The following UBE3D variants were observed in gnomAD, a reference collection of about 807,000 sequenced individuals.
UBE3D encodes E3 ubiquitin-protein ligase E3D.
UBE3D carries 48 observed loss-of-function variants against 49.6 expected under a neutral mutation model. That is an observed-to-expected ratio of 0.97 (90% CI 0.77 to 1.23). UBE3D has a LOEUF of 1.23. Among genes scored for constraint, UBE3D ranks in the 50% most tolerant of loss-of-function variants. The probability of loss-of-function intolerance (pLI) is 0.00; values close to 1 mark genes in which losing one functional copy is unlikely to be tolerated. For synonymous variants in UBE3D, 189 were observed against 174.2 expected, an observed-to-expected ratio of 1.08 and a Z score of -0.67; for missense variants, 452 against 468.4, an observed-to-expected ratio of 0.96 and a Z score of 0.32.
At chr6:83,060,804 C>T (rs1177614164) in intron 1 of UBE3D, among the ~76,000 whole-genome samples, 1 of 152,132 alleles carries the variant, frequency 6.6e-6, no homozygotes, top group Non-Finnish European at 1.5e-5. Flanking sequence ...TCCTTGGCCA[C>T]ATCTGGTATA....
chr6:83,013,776 T>A (rs1177734776), intron 8 of UBE3D, among the ~76,000 whole-genome samples: 1 of 151,812 alleles, frequency 6.6e-6, no homozygotes, highest in Non-Finnish European at 1.5e-5. Context: ...TTATTTCCCA[T>A]CCTCTGGCAG....
intron 1 of UBE3D, among the ~76,000 whole-genome samples, chr6:83,058,784 G>T (rs1783980107): frequency 2.0e-5 from 3 of 148,598 alleles, no homozygotes; most frequent in Admixed American, 1.3e-4. Context: ...TTAGAAATCT[G>T]CCTTAGAAAA....
At chr6:82,911,434 T>C (rs1772518590) in intron 9 of UBE3D, among the ~76,000 whole-genome samples, 1 of 152,090 alleles carries the variant, frequency 6.6e-6, no homozygotes, top group Non-Finnish European at 1.5e-5. Context: ...GGCCCAAACA[T>C]TTGAGACAAT....
At chr6:82,984,813 G>A (rs889048645) in intron 8 of UBE3D, among the ~76,000 whole-genome samples, 2 of 151,680 alleles carry the variant, frequency 1.3e-5, no homozygotes, top group African/African-American at 2.4e-5. Context: ...TTTCATTGTT[G>A]TTATGTTTAT....
intron 5 of UBE3D, among the ~76,000 whole-genome samples, chr6:83,029,145 A>G (rs1056675497): frequency 6.6e-6 from 1 of 152,148 alleles, no homozygotes; most frequent in Non-Finnish European, 1.5e-5. Context: ...GAAAGCCAAT[A>G]TTTTTAAAAT....
Position 82,916,200 on chromosome 6 carries a change from C to A in UBE3D, c.1150-23158G>T, listed in dbSNP as rs73477703. Among the ~76,000 whole-genome samples the A allele has an allele frequency of 8.2e-3, 1,249 of 152,276 alleles. 21 individuals carry two copies. Among genetic ancestry groups the A allele is most frequent in the African/African-American group, 0.028 (1,181 of 41,536 alleles). On this transcript the variant is annotated intron_variant, in intron 9 of 9. Transcript: ENST00000369747. ...CCAGTGTGTACAAGGGTTGCAATTT[C>A]ACACCACACCTGTCCAATTTCTAGG...
chr6:83,042,710 C>T (rs1487787455), intron 4 of UBE3D, among the ~76,000 whole-genome samples: 1 of 152,122 alleles, frequency 6.6e-6, no homozygotes, highest in Non-Finnish European at 1.5e-5. Context: ...TTTCTAAGGA[C>T]CCTTGATATT....
At chr6:83,025,508 G>GATATGCTTATGGATATGCAT (rs1781392010) in intron 5 of UBE3D, among the ~76,000 whole-genome samples, 1 of 151,804 alleles carries the variant, frequency 6.6e-6, no homozygotes, top group South Asian at 2.1e-4. Flanking sequence ...TATTTATATA[G>GATATGCTTATGGATATGCAT]ATGGATATGC....
chr6:82,984,371 C>T (rs1308289723), intron 8 of UBE3D, among the ~76,000 whole-genome samples: 1 of 152,124 alleles, frequency 6.6e-6, no homozygotes. Flanking sequence ...AATTAATAGT[C>T]GTATGCATGT....
chr6:82,917,998 T>A (rs1481235681), intron 9 of UBE3D, among the ~76,000 whole-genome samples: 1 of 152,200 alleles, frequency 6.6e-6, no homozygotes, highest in African/African-American at 2.4e-5. Context: ...TTTCCTTCAA[T>A]AAACTCCTTG....
At chr6:82,981,113 T>G (rs1191178771) in intron 8 of UBE3D, among the ~76,000 whole-genome samples, 2 of 152,188 alleles carry the variant, frequency 1.3e-5, no homozygotes, top group South Asian at 4.1e-4. Context: ...AATTGTAAAA[T>G]AGGGTTTCAT....
intron 8 of UBE3D, among the ~76,000 whole-genome samples, chr6:82,998,597 T>C (rs960366534): frequency 1.3e-5 from 2 of 152,226 alleles, no homozygotes; most frequent in African/African-American, 2.4e-5. Context: ...GAGTTTTTCT[T>C]AATATATTTT....
chr6:82,917,382 A>G (rs1395805244), intron 9 of UBE3D, among the ~76,000 whole-genome samples: 1 of 152,166 alleles, frequency 6.6e-6, no homozygotes, highest in Non-Finnish European at 1.5e-5. Flanking sequence ...ATATGAGCAG[A>G]GAGGAGGCAA....
At chr6:83,004,429 T>C (rs1779835056) in intron 8 of UBE3D, among the ~76,000 whole-genome samples, 1 of 152,202 alleles carries the variant, frequency 6.6e-6, no homozygotes, top group Admixed American at 6.5e-5. Flanking sequence ...ATTTCTCTTT[T>C]TTGTACTCAG....
chr6:82,971,787 A>G (rs973047040), intron 8 of UBE3D, among the ~76,000 whole-genome samples: 1 of 152,120 alleles, frequency 6.6e-6, no homozygotes, highest in African/African-American at 2.4e-5. Context: ...AAGAATTTTT[A>G]AAAAACATGT....
intron 8 of UBE3D, among the ~76,000 whole-genome samples, chr6:82,978,853 T>C (rs1354494457): frequency 6.6e-6 from 1 of 152,192 alleles, no homozygotes; most frequent in Non-Finnish European, 1.5e-5. Flanking sequence ...TGCAAAAACA[T>C]ATTTTGTACT....
At chr6:82,969,441 T>TC (rs1777187471) in intron 8 of UBE3D, among the ~76,000 whole-genome samples, 1 of 151,942 alleles carries the variant, frequency 6.6e-6, no homozygotes, top group South Asian at 2.1e-4. Context: ...ATCCCGTCTT[T>TC]ACTAAAAATA....
chr6:82,983,830 C>T (rs999487870), intron 8 of UBE3D, among the ~76,000 whole-genome samples: 1 of 152,114 alleles, frequency 6.6e-6, no homozygotes, highest in Admixed American at 6.6e-5. Flanking sequence ...AGGATATATA[C>T]TAAGAGAGAT....
intron 9 of UBE3D, among the ~76,000 whole-genome samples, chr6:82,902,310 G>T (rs539150422): frequency 6.6e-6 from 1 of 152,294 alleles, no homozygotes; most frequent in Admixed American, 6.5e-5. Flanking sequence ...CAGAGAAATA[G>T]AAACTTATGT....
Sources: allele counts gnomAD v4.1 joint callset (sites outside exome capture counted in the v4.1 genomes callset), GRCh38; gene constraint gnomAD v4.1.1; transcripts MANE v1.5; gene names NCBI Gene and HGNC (gene_info 2026-07-23, HGNC 2026-07-21).